DOCK4: variants seen among roughly 807,000 people sequenced by gnomAD.
DOCK4 encodes the protein dedicator of cytokinesis 4.
DOCK4 carries 97 observed loss-of-function variants against 268.1 expected under a neutral mutation model. The ratio of observed to expected loss-of-function variants is 0.36; its 90% CI spans 0.31 to 0.43. The LOEUF (loss-of-function observed/expected upper bound fraction) is 0.43, where lower values mean the gene tolerates loss of function less well. DOCK4 is among the 20% of genes least tolerant of loss of function. The pLI is 1.00. For missense variants in DOCK4, 2,145 were observed against 2,455.7 expected, an observed-to-expected ratio of 0.87 and a Z score of 2.67; for synonymous variants, 954 against 887.2, an observed-to-expected ratio of 1.08 and a Z score of -1.34.
rs763662238 is a variant in DOCK4 at position 111,746,351 on chromosome 7, C to A, written c.4660G>T (p.Glu1554Ter). 5.0e-6 allele frequency: 8 copies of A among 1,612,900 alleles called. No individual in the cohort carries two copies. Among genetic ancestry groups the A allele is most frequent in the Non-Finnish European group, 6.8e-6 (8 of 1,179,464 alleles). ...EDGEKIARLRELMLEQAQILE... is the reference protein window; with the variant it reads ...EDGEKIARLR ...TCCCTTACCTGCTCAAGCATCAGCTCTCTTAATCGTGCAATTTTCTCCCCA... is the reference window on the plus strand; with the variant it reads ...TCCCTTACCTGCTCAAGCATCAGCTATCTTAATCGTGCAATTTTCTCCCCA... The change falls in exon 44 of 53, where the codon GAG (glutamate) becomes TAG (stop). Residue 1554 changes from glutamate to a stop codon, truncating the protein, a stop_gained. Coordinates refer to ENST00000428084, the MANE Select transcript of DOCK4 (RefSeq NM_001363540.2). LOFTEE classifies it high-confidence loss of function.
intron 1 of DOCK4, among the ~76,000 whole-genome samples, chr7:112,152,863 GA>G (rs922083290): frequency 6.6e-5 from 10 of 151,366 alleles, no homozygotes; most frequent in African/African-American, 2.4e-4. Context: ...AGTAAAATGT[GA>G]AAAAAAACCG....
At chr7:112,182,210 G>C (rs1267645147) in intron 1 of DOCK4, among the ~76,000 whole-genome samples, 1 of 152,166 alleles carries the variant, frequency 6.6e-6, no homozygotes, top group African/African-American at 2.4e-5. Flanking sequence ...ACTTAGAATA[G>C]TGCCCGGCAT....
intron 41 of DOCK4, among the ~76,000 whole-genome samples, chr7:111,757,854 T>C (rs956222677): frequency 6.6e-6 from 1 of 152,092 alleles, no homozygotes; most frequent in Non-Finnish European, 1.5e-5. Context: ...AATAAGCTAA[T>C]TTTGCATTCT....
intron 27 of DOCK4, among the ~76,000 whole-genome samples, chr7:111,815,387 G>A (rs2133931807): frequency 6.6e-6 from 1 of 152,120 alleles, no homozygotes; most frequent in Admixed American, 6.5e-5. Context: ...ATACATTATT[G>A]CTCCTTCATT....
Position 111,813,228 on chromosome 7 carries a change from T to C in DOCK4, c.2931-1279A>G, listed in dbSNP as rs183563985. On this transcript the variant is annotated intron_variant, in intron 27 of 52. Transcript: ENST00000428084. ...AAGCCTCAGTTCTCTTCATGGGATT[T>C]GCAATTGGAGGATGTATTTATGTCA... 2.0e-5 allele frequency among the ~76,000 whole-genome samples: 3 copies of C among 152,276 alleles called. No individual in the cohort carries two copies. In the East Asian group the frequency reaches 5.8e-4, roughly 29 times the overall value.
chr7:111,783,458 G>A (rs1264747059), intron 34 of DOCK4, among the ~76,000 whole-genome samples: 3 of 152,044 alleles, frequency 2.0e-5, no homozygotes, highest in African/African-American at 7.2e-5. Flanking sequence ...CTTTTTAAGA[G>A]AATATTTAAG....
intron 27 of DOCK4, among the ~76,000 whole-genome samples, chr7:111,817,040 G>T (rs1307060039): frequency 6.6e-6 from 1 of 152,182 alleles, no homozygotes; most frequent in Non-Finnish European, 1.5e-5. Context: ...AGTACTGGTG[G>T]AAAATCACTC....
chr7:111,945,827 G>C, intron 8 of DOCK4, 29 bp from the exon 9 acceptor site: 1 of 1,514,302 alleles, frequency 6.6e-7, no homozygotes, highest in Non-Finnish European at 9.0e-7. Flanking sequence ...TTAACAATTT[G>C]AAAATTATTT....
At chr7:111,765,521 CAT>C (rs1431319389) in intron 38 of DOCK4, among the ~76,000 whole-genome samples, 3 of 152,324 alleles carry the variant, frequency 2.0e-5, no homozygotes, top group Admixed American at 6.5e-5. Flanking sequence ...TGTATTATCA[CAT>C]GTTATCCCCA....
intron 1 of DOCK4, among the ~76,000 whole-genome samples, chr7:112,137,132 G>C (rs1156883838): frequency 6.6e-6 from 1 of 152,178 alleles, no homozygotes; most frequent in African/African-American, 2.4e-5. Flanking sequence ...TAGATAATTG[G>C]TACAAATAAC....
intron 12 of DOCK4, chr7:111,935,287 T>G: frequency 2.1e-6 from 1 of 485,770 alleles, no homozygotes; most frequent in East Asian, 4.4e-5. Context: ...GTATGAAGAC[T>G]TGGTACCAAA....
chr7:111,985,727 C>A (rs748557644), intron 6 of DOCK4, among the ~76,000 whole-genome samples: 2 of 152,148 alleles, frequency 1.3e-5, no homozygotes, highest in Non-Finnish European at 2.9e-5. Context: ...TTCACACACC[C>A]ATTATTTAAT....
chr7:111,832,269 C>G (rs1255620314), intron 26 of DOCK4, among the ~76,000 whole-genome samples: 2 of 152,148 alleles, frequency 1.3e-5, no homozygotes, highest in African/African-American at 4.8e-5. Context: ...GGGAAGTTTT[C>G]CTGTTGCCTT....
At chr7:112,137,531 G>A (rs1757536524) in intron 1 of DOCK4, among the ~76,000 whole-genome samples, 1 of 152,190 alleles carries the variant, frequency 6.6e-6, no homozygotes, top group Admixed American at 6.5e-5. Context: ...TAAAATCAGA[G>A]GGAGGCTTAC....
Position 111,769,514 on chromosome 7 carries a change from G to T in DOCK4, c.3828+15C>A. 1 of 1,613,046 alleles carries T rather than the reference G, an allele frequency of 6.2e-7. No individual in the cohort carries two copies. Among genetic ancestry groups the T allele is most frequent in the Non-Finnish European group, 8.5e-7 (1 of 1,179,668 alleles). ...TCACCCCAGGAGGGACCCCGGGCGG[G>T]GCAGGGCCACTTACTTTGCCTCTGT... On this transcript the variant is annotated intron_variant, in intron 37 of 52. Transcript: ENST00000428084.
At chr7:111,786,225 C>G (rs888540417) in intron 32 of DOCK4, among the ~76,000 whole-genome samples, 9 of 152,022 alleles carry the variant, frequency 5.9e-5, no homozygotes, top group Admixed American at 3.9e-4. Context: ...TAAGAAATAC[C>G]TGAGATGAAT....
At chr7:111,954,943 G>C (rs774646355) in intron 8 of DOCK4, among the ~76,000 whole-genome samples, 5 of 152,178 alleles carry the variant, frequency 3.3e-5, no homozygotes, top group Admixed American at 6.5e-5. Flanking sequence ...CTGATTGACT[G>C]GGTCAGGATG....
At chr7:112,205,576 G>A (rs891460148) in intron 1 of DOCK4, among the ~76,000 whole-genome samples, 1 of 152,114 alleles carries the variant, frequency 6.6e-6, no homozygotes, top group Non-Finnish European at 1.5e-5. Flanking sequence ...CCAGGACCCT[G>A]CCACATTCCA....
At position 111,781,537 on chromosome 7, in the gene DOCK4, CATT is replaced by C. The variant is rs144658075; in HGVS notation, c.3585+1324_3585+1326del. On this transcript the variant is annotated intron_variant, in intron 35 of 52. Coordinates refer to ENST00000428084, the MANE Select transcript of DOCK4 (RefSeq NM_001363540.2). ...AGGTTACCGTTGGGTCTAATGAAAA[CATT>C]ATGGAAGAAAGTGAACAAGATGTGG... Among the ~76,000 whole-genome samples, 533 of 152,274 alleles carry C rather than the reference CATT, an allele frequency of 3.5e-3. 5 individuals are homozygous for C. The highest frequency in any genetic ancestry group is 0.012 in the African/African-American group (510 of 41,544).
Sources: allele counts gnomAD v4.1 joint callset (sites outside exome capture counted in the v4.1 genomes callset), GRCh38; gene constraint gnomAD v4.1.1; transcripts MANE v1.5; gene names NCBI Gene and HGNC (gene_info 2026-07-23, HGNC 2026-07-21).